TACC2: variants seen among roughly 807,000 people sequenced by gnomAD.
The protein encoded by TACC2 is transforming acidic coiled-coil containing protein 2.
A neutral mutation model predicts 227.3 loss-of-function variants in TACC2; 137 were observed. The observed-to-expected ratio is 0.60, with a 90% CI of 0.52 to 0.69. The LOEUF is 0.69. Ranked by LOEUF, TACC2 falls within the 30% of genes least tolerant of loss-of-function variation. The pLI is 0.00. For missense variants in TACC2, 3,470 were observed against 3,694.4 expected, an observed-to-expected ratio of 0.94 and a Z score of 1.57; for synonymous variants, 1,523 against 1,487.5, an observed-to-expected ratio of 1.02 and a Z score of -0.55.
chr10:122,019,455 G>T (rs763084736), intron 1 of TACC2, among the ~76,000 whole-genome samples: 1 of 152,232 alleles, frequency 6.6e-6, no homozygotes, highest in Non-Finnish European at 1.5e-5. Context: ...ACTGCATAAA[G>T]GGCAAGAGAG....
intron 19 of TACC2, 55 bp from the exon 20 acceptor site, chr10:122,248,588 G>A: frequency 6.2e-7 from 1 of 1,606,248 alleles, no homozygotes; most frequent in Non-Finnish European, 8.5e-7. Flanking sequence ...TGGCCCCAGA[G>A]ACCCAGTTTG....
chr10:122,152,151 T>C (rs185533926), intron 7 of TACC2, among the ~76,000 whole-genome samples: 74 of 152,330 alleles, frequency 4.9e-4, no homozygotes, highest in African/African-American at 1.7e-3. Context: ...TGAGGATGAC[T>C]TGCCCACCTT....
intron 1 of TACC2, among the ~76,000 whole-genome samples, chr10:121,991,823 A>G (rs1953037820): frequency 6.6e-6 from 1 of 152,220 alleles, no homozygotes; most frequent in Non-Finnish European, 1.5e-5. Flanking sequence ...CAATTTACAC[A>G]GGAAGAAGGT....
intron 5 of TACC2, among the ~76,000 whole-genome samples, chr10:122,130,526 C>G (rs1473895464): frequency 6.6e-6 from 1 of 152,058 alleles, no homozygotes; most frequent in African/African-American, 2.4e-5. Flanking sequence ...AACTGATCCT[C>G]CAGCCTCAGC....
chr10:122,040,345 A>G (rs753502690), intron 2 of TACC2, among the ~76,000 whole-genome samples: 2 of 152,120 alleles, frequency 1.3e-5, no homozygotes, highest in Admixed American at 1.3e-4. Context: ...TGACGCTGTG[A>G]TGAGAGCTGT....
chr10:122,121,987 T>G (rs4752651), intron 5 of TACC2, among the ~76,000 whole-genome samples: 125,704 of 152,124 alleles, frequency 0.83, 52,960 homozygotes, highest in East Asian at 0.95. Context: ...CGAGGACAGG[T>G]CCAGGGTTCT....
intron 5 of TACC2, among the ~76,000 whole-genome samples, chr10:122,131,340 C>T (rs538454028): frequency 6.6e-6 from 1 of 152,200 alleles, no homozygotes; most frequent in African/African-American, 2.4e-5. Flanking sequence ...CTTATGGCTA[C>T]AGAGCGGAGT....
rs995951845 is a variant in TACC2, at chr10:122,073,940, C to T, written c.147-8707C>T. 5.9e-5 allele frequency among the ~76,000 whole-genome samples: 9 copies of T among 152,076 alleles called. No homozygotes were observed. The East Asian group carries it at 9.7e-4, about 16-fold the overall frequency. Reference sequence around the variant, plus strand: ...GACTACAGGCACCCGCCACCATGCCCGGCTAATTTTTTTGTATGTTTTATA... The same window carrying T: ...GACTACAGGCACCCGCCACCATGCCTGGCTAATTTTTTTGTATGTTTTATA... On this transcript the variant is annotated intron_variant, in intron 3 of 22. Coordinates refer to ENST00000369005, the MANE Select transcript of TACC2 (RefSeq NM_206862.4).
At chr10:122,065,818 T>A (rs1196214036) in intron 3 of TACC2, among the ~76,000 whole-genome samples, 2 of 152,244 alleles carry the variant, frequency 1.3e-5, no homozygotes, top group East Asian at 3.8e-4. Flanking sequence ...GAATTTTTAA[T>A]GTTTATTTTA....
chr10:122,061,095 G>A (rs2076764143), intron 3 of TACC2, among the ~76,000 whole-genome samples: 1 of 150,966 alleles, frequency 6.6e-6, no homozygotes, highest in Non-Finnish European at 1.5e-5. Context: ...AGATCACGAG[G>A]TCAGGAAATC....
chr10:122,204,350 A>G (rs1407764722), intron 8 of TACC2, among the ~76,000 whole-genome samples: 1 of 152,248 alleles, frequency 6.6e-6, no homozygotes, highest in Non-Finnish European at 1.5e-5. Flanking sequence ...CTCTGCCTTC[A>G]AATGAGCAGT....
At chr10:122,001,108 C>A (rs979412383) in intron 1 of TACC2, among the ~76,000 whole-genome samples, 2 of 152,246 alleles carry the variant, frequency 1.3e-5, no homozygotes, top group Admixed American at 6.5e-5. Flanking sequence ...CAGGCGTGAG[C>A]CACTGCTCCT....
intron 5 of TACC2, among the ~76,000 whole-genome samples, chr10:122,094,518 A>G (rs1591924448): frequency 6.6e-6 from 1 of 152,144 alleles, no homozygotes; most frequent in Non-Finnish European, 1.5e-5. Flanking sequence ...GCCTCAAACA[A>G]TCCTCCCACC....
chr10:122,219,772 T>C (rs1487585281), intron 11 of TACC2, among the ~76,000 whole-genome samples: 1 of 152,120 alleles, frequency 6.6e-6, no homozygotes, highest in East Asian at 1.9e-4. Flanking sequence ...GCGTGGTGGC[T>C]CACACCTCTA....
chr10:122,012,131 C>T (rs12784195), intron 1 of TACC2, among the ~76,000 whole-genome samples: 69,191 of 151,510 alleles, frequency 0.46, 15,956 homozygotes, highest in South Asian at 0.62. Flanking sequence ...AAAGATGGGG[C>T]TTCACCCTGG....
Position 122,050,401 on chromosome 10 carries a change from C to A in TACC2, c.34-37C>A, listed in dbSNP as rs367579921. ...TTTTTGTGTTTTCAGAGACTCCTAT[C>A]TGATTTCCTTTCCAATTTCTTTTTC... On this transcript the variant is annotated intron_variant, in intron 2 of 22. Coordinates refer to ENST00000369005, the MANE Select transcript of TACC2 (RefSeq NM_206862.4). This position sits in a 1 kb window ranked among gnomAD's most constrained non-coding sequence, Gnocchi z 4.6. The A allele has an allele frequency of 1.1e-5, 17 of 1,543,948 alleles. No individual in the cohort carries two copies. In the African/African-American group the frequency reaches 2.2e-4, roughly 20 times the overall value.
chr10:122,088,719 C>T, intron 5 of TACC2, 128 bp downstream of exon 5: 3 of 1,543,968 alleles, frequency 1.9e-6, no homozygotes, highest in Non-Finnish European at 2.6e-6. Flanking sequence ...AGCAAATGGC[C>T]ATTCCCGTTT....
At chr10:122,152,921 A>G (rs1370608762) in intron 7 of TACC2, among the ~76,000 whole-genome samples, 3 of 151,920 alleles carry the variant, frequency 2.0e-5, no homozygotes, top group Non-Finnish European at 4.4e-5. Context: ...TCCTCTTGTG[A>G]TAACATCTGG....
At position 122,083,368 on chromosome 10, in the gene TACC2, A is replaced by C. The variant is rs2079757461; in HGVS notation, c.868A>C (p.Arg290=). 6.2e-7 allele frequency: 1 copy of C among 1,613,952 alleles called. No homozygotes were observed. The highest frequency in any genetic ancestry group is 1.3e-5 in the African/African-American group (1 of 75,038). The change falls in exon 4 of 23, where the codon AGA becomes CGA. Residue 290 remains arginine (R), a synonymous_variant. Transcript: ENST00000369005. The part of the protein sequence containing the change: ...DPAPRASDRE[R]GQGEAPPQYL... ...AGCCCCAAGAGCCTCAGACAGAGAA[A>C]GAGGCCAAGGGGAGGCGCCGCCTCA...
Sources: gnomAD v4.1 joint callset for allele counts (sites outside exome capture counted in the v4.1 genomes callset) on GRCh38, gnomAD v4.1.1 for gene constraint, Gnocchi (gnomAD v3.1) non-coding constraint, MANE v1.5 for transcripts, NCBI Gene and HGNC (gene_info 2026-07-23, HGNC 2026-07-21) for gene names.